The following RANBP2 variants were observed in gnomAD, a reference collection of about 807,000 sequenced individuals.
RANBP2 encodes the protein E3 SUMO-protein ligase RanBP2.
RANBP2 carries 57 observed loss-of-function variants against 303.6 expected under a neutral mutation model. The observed-to-expected ratio is 0.19, with a 90% CI of 0.15 to 0.23. The LOEUF (loss-of-function observed/expected upper bound fraction) is 0.23. Among genes scored for constraint, RANBP2 ranks in the 10% least tolerant of loss-of-function variants. The pLI, the probability that RANBP2 is intolerant of heterozygous loss-of-function variation, is 1.00. For missense variants in RANBP2, 3,138 were observed against 3,780.8 expected, an observed-to-expected ratio of 0.83 and a Z score of 4.46; for synonymous variants, 1,167 against 1,301.5, an observed-to-expected ratio of 0.90 and a Z score of 2.23.
At chr2:109,076,573 T>C in the RANBP2 span, among the ~76,000 whole-genome samples, 1 of 150,354 alleles carries the variant, frequency 6.7e-6, no homozygotes, top group African/African-American at 2.4e-5. Context: ...AAAATCAATA[T>C]ACAAAAATTA....
the RANBP2 span, among the ~76,000 whole-genome samples, chr2:108,982,366 G>T: frequency 6.6e-6 from 1 of 152,220 alleles, no homozygotes; most frequent in Non-Finnish European, 1.5e-5. Flanking sequence ...GCCACCAAAG[G>T]CCTCCATCTC....
chr2:109,430,743 CTG>C, the RANBP2 span, among the ~76,000 whole-genome samples: 1 of 152,200 alleles, frequency 6.6e-6, no homozygotes, highest in Non-Finnish European at 1.5e-5. Flanking sequence ...AGCATTGAAA[CTG>C]TGAACGTGGT....
chr2:109,760,964 T>G, the RANBP2 span, among the ~76,000 whole-genome samples: 1 of 128,894 alleles, frequency 7.8e-6, no homozygotes, highest in South Asian at 2.6e-4. Flanking sequence ...CCTGTCTGTT[T>G]CCCCCTCTCC....
chr2:109,702,531 C>G, the RANBP2 span, among the ~76,000 whole-genome samples: 2 of 152,208 alleles, frequency 1.3e-5, no homozygotes, highest in Non-Finnish European at 2.9e-5. Context: ...ATTGTGCAGA[C>G]ATGGTCTGGG....
chr2:109,467,114 G>T, the RANBP2 span, among the ~76,000 whole-genome samples: 7 of 152,218 alleles, frequency 4.6e-5, no homozygotes, highest in Non-Finnish European at 8.8e-5. Context: ...AGTTAAACAT[G>T]CCACCTGTCA....
the RANBP2 span, among the ~76,000 whole-genome samples, chr2:109,021,502 G>C: frequency 7.1e-6 from 1 of 140,702 alleles, no homozygotes; most frequent in Non-Finnish European, 1.5e-5. Flanking sequence ...CAGCCTGGGC[G>C]ACAGAGAGAG....
At chr2:109,115,734 T>C in the RANBP2 span, among the ~76,000 whole-genome samples, 1 of 152,258 alleles carries the variant, frequency 6.6e-6, no homozygotes, top group Admixed American at 6.5e-5. Context: ...CTTGATGGTC[T>C]TTACAATTTG....
chr2:108,768,488 A>G (rs896229118), intron 20 of RANBP2, 100 bp downstream of exon 20: 292 of 1,593,606 alleles, frequency 1.8e-4, no homozygotes, highest in Non-Finnish European at 2.4e-4. Context: ...GATATAAATG[A>G]TGCTTTGTGA....
At chr2:108,919,305 A>G in the RANBP2 span, among the ~76,000 whole-genome samples, 1 of 152,216 alleles carries the variant, frequency 6.6e-6, no homozygotes, top group Non-Finnish European at 1.5e-5. Context: ...ACTGATGATA[A>G]GAAAACAGCT....
chr2:109,238,045 A>C, the RANBP2 span, among the ~76,000 whole-genome samples: 1 of 152,164 alleles, frequency 6.6e-6, no homozygotes, highest in Non-Finnish European at 1.5e-5. Flanking sequence ...ATCTCTACAA[A>C]ATATTAAAAA....
the RANBP2 span, among the ~76,000 whole-genome samples, chr2:109,080,020 C>T: frequency 1.3e-5 from 2 of 152,182 alleles, no homozygotes; most frequent in African/African-American, 4.8e-5. Context: ...CTATGGAATA[C>T]CCGGAATAGG....
At chr2:109,127,875 AAAAT>A in the RANBP2 span, 34 of 152,272 alleles carry the variant, frequency 2.2e-4, no homozygotes, top group Admixed American at 2.2e-3. Context: ...ATAAATAAAT[AAAAT>A]AATTATCTGG....
the RANBP2 span, among the ~76,000 whole-genome samples, chr2:109,160,331 A>G: frequency 1.3e-5 from 2 of 152,214 alleles, no homozygotes; most frequent in African/African-American, 4.8e-5. Flanking sequence ...GGTGCAGCCC[A>G]TGCTTTGTTG....
At chr2:108,768,546 A>T (rs1425796914) in intron 20 of RANBP2, among the ~76,000 whole-genome samples, 158 bp downstream of exon 20, 1 of 152,216 alleles carries the variant, frequency 6.6e-6, no homozygotes, top group Non-Finnish European at 1.5e-5. Context: ...TAATAAGTTC[A>T]CGGTGAGGTT....
the RANBP2 span, among the ~76,000 whole-genome samples, chr2:108,975,434 A>G: frequency 2.4e-4 from 37 of 152,290 alleles, no homozygotes; most frequent in Non-Finnish European, 4.4e-4. Flanking sequence ...AGACATGGAT[A>G]GCGCCAGCAC....
chr2:109,548,820 A>G, the RANBP2 span, among the ~76,000 whole-genome samples: 1 of 149,212 alleles, frequency 6.7e-6, no homozygotes, highest in Admixed American at 6.7e-5. Flanking sequence ...TATTTGAGGA[A>G]ATATTTCACT....
the RANBP2 span, among the ~76,000 whole-genome samples, chr2:108,828,212 C>CA: frequency 4.6e-5 from 7 of 151,566 alleles, no homozygotes; most frequent in East Asian, 1.4e-3. Flanking sequence ...ATAGAAAACC[C>CA]AAAAATATAA....
At chr2:109,703,915 C>T in the RANBP2 span, among the ~76,000 whole-genome samples, 1 of 152,200 alleles carries the variant, frequency 6.6e-6, no homozygotes, top group African/African-American at 2.4e-5. Flanking sequence ...TAAATTGGCT[C>T]TTGTCATGGA....
the RANBP2 span, among the ~76,000 whole-genome samples, chr2:108,920,911 A>C: frequency 6.6e-6 from 1 of 152,124 alleles, no homozygotes; most frequent in Non-Finnish European, 1.5e-5. Context: ...AGAGGACATG[A>C]GGCTCTGGGA....
Sources: gnomAD v4.1 joint callset for allele counts (sites outside exome capture counted in the v4.1 genomes callset) on GRCh38, gnomAD v4.1.1 for gene constraint, MANE v1.5 for transcripts, NCBI Gene and HGNC (gene_info 2026-07-23, HGNC 2026-07-21) for gene names.